Variants in C17orf78 observed in about 807,000 individuals in gnomAD.
The protein encoded by C17orf78 is uncharacterized protein C17orf78.
In C17orf78, 27 loss-of-function variants were observed where a neutral mutation model predicts 31.8. The ratio of observed to expected loss-of-function variants is 0.85; its 90% CI spans 0.63 to 1.17. C17orf78 has a LOEUF of 1.17. Ranked by LOEUF, C17orf78 falls within the 50% of genes most tolerant of loss-of-function variation. The probability of loss-of-function intolerance (pLI) is 0.00; values close to 1 mark genes in which losing one functional copy is unlikely to be tolerated. For synonymous variants in C17orf78, 106 were observed against 115.1 expected (o/e 0.92, Z 0.51); for missense variants, 258 against 315.2 (o/e 0.82, Z 1.37).
intron 3 of C17orf78, among the ~76,000 whole-genome samples, chr17:37,381,666 T>C (rs574519542): frequency 4.7e-4 from 70 of 148,028 alleles, no homozygotes; most frequent in Middle Eastern, 3.4e-3. Context: ...CTCGCTCCGT[T>C]GCCCAGGCTG....
At chr17:37,390,330 A>ATATATATATCTATATATATC in intron 6 of C17orf78, among the ~76,000 whole-genome samples, 1 of 41,582 alleles carries the variant, frequency 2.4e-5, no homozygotes, top group Admixed American at 5.0e-4. Flanking sequence ...ATATATATAT[A>ATATATATATCTATATATATC]TATAAAAGGC....
rs531458101 is a variant in C17orf78, at chr17:37,381,472, C to T, written c.391+2090C>T. ...AAGTGCTAGGATTACAAGCGTTAGC[C>T]ACTGCGCCTGGCCAATCCCTTGCTT... On this transcript the variant is annotated intron_variant, in intron 3 of 6. Coordinates refer to ENST00000615133, the MANE Select transcript of C17orf78 (RefSeq NM_173625.5). Among the ~76,000 whole-genome samples, 9 of 152,084 alleles carry T rather than the reference C, an allele frequency of 5.9e-5. No individual in the cohort carries two copies. In the South Asian group the frequency reaches 1.9e-3, roughly 32 times the overall value.
chr17:37,386,792 G>A (rs562764995), intron 4 of C17orf78: 31 of 152,228 alleles, frequency 2.0e-4, no homozygotes, highest in African/African-American at 7.0e-4. Flanking sequence ...GCAATTATAA[G>A]AGTGATGACA....
Position 37,386,035 on chromosome 17 carries a change from A to G in C17orf78, c.418A>G (p.Lys140Glu). The G allele has an allele frequency of 6.2e-7, 1 of 1,600,398 alleles. No individual in the cohort carries two copies. Among genetic ancestry groups the G allele is most frequent in the Non-Finnish European group, 8.5e-7 (1 of 1,170,430 alleles). ...TTTTTTACCAGGGATCTCACAATGT[A>G]AAGTCCTGGGGGCTTCATCAGAGAC... Reference protein sequence around the residue: ...KAFLPGISQCKVLGASSETFP... With the variant: ...KAFLPGISQCEVLGASSETFP... Residue 140 changes from lysine (K) to glutamate (E), a missense_variant, in exon 4 of 7, where the codon AAA becomes GAA. Transcript: ENST00000615133.
intron 4 of C17orf78, among the ~76,000 whole-genome samples, chr17:37,386,674 C>T (rs1017262098): frequency 7.9e-5 from 12 of 152,110 alleles, no homozygotes; most frequent in African/African-American, 9.7e-5. Context: ...TTTATCTCCA[C>T]GCAAATGAGC....
At chr17:37,390,330 A>ATATATAATATATATATATATATC (rs1386032855) in intron 6 of C17orf78, among the ~76,000 whole-genome samples, 1 of 41,592 alleles carries the variant, frequency 2.4e-5, no homozygotes, top group African/African-American at 1.3e-4. Context: ...ATATATATAT[A>ATATATAATATATATATATATATC]TATAAAAGGC....
rs542077915 is a variant in C17orf78, at chr17:37,381,782, C to T, written c.391+2400C>T. 7.6e-3 allele frequency among the ~76,000 whole-genome samples: 1,152 copies of T among 151,914 alleles called. 10 individuals carry two copies. Among genetic ancestry groups the T allele is most frequent in the Non-Finnish European group, 0.013 (917 of 67,996 alleles). ...AGCTGGGACTACAGGCACTCGCCACCACACCCAGTTAATTTTTTGTATTTT... is the reference window on the plus strand; with the variant it reads ...AGCTGGGACTACAGGCACTCGCCACTACACCCAGTTAATTTTTTGTATTTT... On this transcript the variant is annotated intron_variant, in intron 3 of 6. Transcript: ENST00000615133.
intron 3 of C17orf78, among the ~76,000 whole-genome samples, chr17:37,380,843 G>A (rs1194744303): frequency 5.3e-5 from 8 of 151,520 alleles, no homozygotes; most frequent in African/African-American, 1.2e-4. Context: ...GTATCTGCCC[G>A]CCTTGGCCTC....
At chr17:37,391,222 A>G (rs1270655673) in intron 6 of C17orf78, among the ~76,000 whole-genome samples, 2 of 152,166 alleles carry the variant, frequency 1.3e-5, no homozygotes, top group African/African-American at 4.8e-5. Flanking sequence ...TCGGTGACAG[A>G]GCGAGACTCT....
chr17:37,391,672 C>T lies in C17orf78; in HGVS notation c.776C>T (p.Ser259Leu). ...QKVGQDAANS[S>L]NPKKAAEITV... The stretch of plus-strand genomic sequence containing the variant: ...GTTGGACAAGATGCTGCCAATTCAT[C>T]AAACCCAAAGAAAGCTGCAGAGATC... The change falls in exon 7 of 7, where the codon TCA becomes TTA. Residue 259 changes from serine (S) to leucine (L), a missense_variant. Transcript: ENST00000615133. 1 of 1,613,948 alleles carries T rather than the reference C, an allele frequency of 6.2e-7. No homozygotes were observed. The highest frequency in any genetic ancestry group is 1.6e-4 in the Middle Eastern group (1 of 6,062).
intron 6 of C17orf78, among the ~76,000 whole-genome samples, chr17:37,391,274 A>G (rs774608188): frequency 3.3e-5 from 5 of 152,160 alleles, no homozygotes; most frequent in Non-Finnish European, 5.9e-5. Flanking sequence ...TCTTATATAC[A>G]TTATCTCATT....
rs1380046957 is a variant in C17orf78 at position 37,390,310 on chromosome 17, A to ATTATACATAAT, written c.750+949_750+950insTATACATAATT. 3.9e-4 allele frequency among the ~76,000 whole-genome samples: 19 copies of ATTATACATAAT among 48,296 alleles called. 2 individuals carry two copies. The highest frequency in any genetic ancestry group is 1.6e-3 in the East Asian group (1 of 628). The allele number at this position is 48,296 out of a possible 152,430, so 31.7% of individuals were successfully genotyped here. A position where few individuals can be genotyped will look rare whatever the true frequency, so the allele number is the denominator to read the frequency against. The stretch of plus-strand genomic sequence containing the variant: ...AATTATATATTATACATAATTATAT[A>ATTATACATAAT]TATATATATATATATATATATATAA... On this transcript the variant is annotated intron_variant, in intron 6 of 6. Coordinates refer to ENST00000615133, the MANE Select transcript of C17orf78 (RefSeq NM_173625.5).
At chr17:37,390,304 T>TTTTATATATATATATATATATA (rs1201500381) in intron 6 of C17orf78, among the ~76,000 whole-genome samples, 4 of 17,974 alleles carry the variant, frequency 2.2e-4, no homozygotes, top group African/African-American at 1.1e-3. Flanking sequence ...TTATACATAA[T>TTTTATATATATATATATATATA]TATATATATA....
intron 1 of C17orf78, 59 bp from the exon 2 acceptor site, chr17:37,377,820 A>G (rs2050073532): frequency 6.5e-6 from 9 of 1,387,650 alleles, no homozygotes; most frequent in Non-Finnish European, 8.2e-6. Context: ...AGTACCAGTA[A>G]ATTCTGATTT....
chr17:37,378,100 G>A (rs1295802260), intron 2 of C17orf78, 135 bp downstream of exon 2: 4 of 755,260 alleles, frequency 5.3e-6, no homozygotes, highest in Non-Finnish European at 6.4e-6. Flanking sequence ...CTCCCAGGGG[G>A]CTTTCTGGAA....
chr17:37,379,053 CAG>C (rs2050129178), intron 2 of C17orf78, 82 bp from the exon 3 acceptor site: 2 of 1,449,132 alleles, frequency 1.4e-6, no homozygotes, highest in South Asian at 2.9e-5. Context: ...GCTTGGGTGA[CAG>C]AGCAAGGCAC....
chr17:37,379,408 C>T (rs1361007544), intron 3 of C17orf78, 26 bp downstream of exon 3: 1 of 1,603,972 alleles, frequency 6.2e-7, no homozygotes, highest in Non-Finnish European at 8.5e-7. Flanking sequence ...AGGAAGGGGG[C>T]AGGCACTAAC....
chr17:37,391,806 C>T lies in C17orf78; in HGVS notation c.*82C>T. On this transcript the variant is annotated 3_prime_UTR_variant, in exon 7 of 7. Coordinates refer to ENST00000615133, the MANE Select transcript of C17orf78 (RefSeq NM_173625.5). Reference sequence around the variant, plus strand: ...TATGGGCACATTCTTGCCAATTTCACACTTGTATCTTCAGCAGGGACATTA... The same window carrying T: ...TATGGGCACATTCTTGCCAATTTCATACTTGTATCTTCAGCAGGGACATTA... 8.3e-7 allele frequency: 1 copy of T among 1,201,718 alleles called. No individual in the cohort carries two copies. The highest frequency in any genetic ancestry group is 1.2e-5 in the South Asian group (1 of 81,910). 74.4% of individuals were successfully genotyped at this position (1,201,718 alleles called of 1,614,324 possible).
intron 3 of C17orf78, among the ~76,000 whole-genome samples, chr17:37,380,527 G>A (rs1420187059): frequency 6.6e-6 from 1 of 152,028 alleles, no homozygotes; most frequent in Non-Finnish European, 1.5e-5. Context: ...TTCTAGCCCT[G>A]ATACTCTGTG....
Sources: gnomAD v4.1 joint callset for allele counts (sites outside exome capture counted in the v4.1 genomes callset) on GRCh38, gnomAD v4.1.1 for gene constraint, MANE v1.5 for transcripts, NCBI Gene and HGNC (gene_info 2026-07-23, HGNC 2026-07-21) for gene names.